HIVEP3: variants seen among roughly 807,000 people sequenced by gnomAD.
The protein encoded by HIVEP3 is HIVEP zinc finger 3, also known as transcription factor HIVEP3.
HIVEP3 carries 49 observed loss-of-function variants against 152.8 expected under a neutral mutation model. The ratio of observed to expected loss-of-function variants is 0.32; its 90% CI spans 0.26 to 0.41. The LOEUF (loss-of-function observed/expected upper bound fraction) is 0.41, where lower values mean the gene tolerates loss of function less well. Among genes scored for constraint, HIVEP3 ranks in the 10% least tolerant of loss-of-function variants. The probability of loss-of-function intolerance (pLI) is 1.00; values close to 1 mark genes in which losing one functional copy is unlikely to be tolerated. For missense variants in HIVEP3, 2,790 were observed against 3,103.3 expected, an observed-to-expected ratio of 0.90 and a Z score of 2.40; for synonymous variants, 1,269 against 1,289.0, an observed-to-expected ratio of 0.98 and a Z score of 0.33.
chr1:41,648,131 AATAT>A (rs1382068131), intron 2 of HIVEP3, among the ~76,000 whole-genome samples: 1 of 152,206 alleles, frequency 6.6e-6, no homozygotes, highest in African/African-American at 2.4e-5. Context: ...CATTTGCTGA[AATAT>A]ATAGACCAAC....
At chr1:41,678,335 G>A (rs1645988582) in intron 2 of HIVEP3, among the ~76,000 whole-genome samples, 1 of 152,130 alleles carries the variant, frequency 6.6e-6, no homozygotes. Flanking sequence ...AGACCCACAG[G>A]GCCTCCCCAC....
At chr1:41,776,185 A>G (rs1648695522) in intron 1 of HIVEP3, among the ~76,000 whole-genome samples, 1 of 152,260 alleles carries the variant, frequency 6.6e-6, no homozygotes, top group South Asian at 2.1e-4. Context: ...TCCATAAAAG[A>G]AAATCTTGTG....
At chr1:41,753,528 T>C (rs1300421280) in intron 1 of HIVEP3, among the ~76,000 whole-genome samples, 3 of 151,504 alleles carry the variant, frequency 2.0e-5, no homozygotes, top group Non-Finnish European at 1.5e-5. Context: ...ATTATCCGGG[T>C]GTGGTGGCAT....
At chr1:41,591,870 A>G (rs1368570828) in intron 3 of HIVEP3, among the ~76,000 whole-genome samples, 1 of 152,090 alleles carries the variant, frequency 6.6e-6, no homozygotes, top group Non-Finnish European at 1.5e-5. Flanking sequence ...TGACTCCCAG[A>G]GAAGAGGCAT....
chr1:41,989,421 G>A (rs1424995682), intron 1 of HIVEP3, among the ~76,000 whole-genome samples: 1 of 152,068 alleles, frequency 6.6e-6, no homozygotes, highest in Non-Finnish European at 1.5e-5. Flanking sequence ...AATCTATATG[G>A]TAAAAAATGT....
chr1:41,528,958 C>A (rs564910752), intron 5 of HIVEP3, among the ~76,000 whole-genome samples: 1 of 141,954 alleles, frequency 7.0e-6, no homozygotes, highest in African/African-American at 2.6e-5. Context: ...TGCTCACATT[C>A]CACACCCCCA....
rs778140478 is a variant in HIVEP3, at chr1:41,511,080, C to A, written c.6592G>T (p.Gly2198Cys). Residue 2198 changes from glycine (G) to cysteine (C), a missense_variant, in exon 9 of 9, where the codon GGT becomes TGT. By Grantham distance (159) the Gly-to-Cys change is radical. Around this residue, in one of 9 missense-constraint regions of HIVEP3, gnomAD observed 816 missense variants for 806.5 expected, o/e 1.01. Transcript: ENST00000372583. This position sits in a 1 kb window ranked among gnomAD's most constrained non-coding sequence, Gnocchi z 4.9. ...TRAPCPLIPI[G>C]GIQMVQARPG... ...CGGGCCTGCACCATCTGGATCCCAC[C>A]GATGGGAATCAAGGGACATGGGGCA... The A allele has an allele frequency of 6.2e-7, 1 of 1,614,076 alleles. No individual in the cohort carries two copies. The highest frequency in any genetic ancestry group is 8.5e-7 in the Non-Finnish European group (1 of 1,180,014).
chr1:41,709,324 G>A (rs778466108), intron 1 of HIVEP3, among the ~76,000 whole-genome samples: 1 of 152,218 alleles, frequency 6.6e-6, no homozygotes, highest in Non-Finnish European at 1.5e-5. Context: ...TAACAGCCAA[G>A]CGAGCTTTAA....
intron 1 of HIVEP3, among the ~76,000 whole-genome samples, chr1:41,768,627 GGT>G (rs1449799272): frequency 6.6e-6 from 1 of 152,140 alleles, no homozygotes; most frequent in Non-Finnish European, 1.5e-5. Flanking sequence ...CCCTTGTTGG[GGT>G]GTGAAACCCC....
At chr1:41,981,745 T>C (rs1203697674) in intron 1 of HIVEP3, among the ~76,000 whole-genome samples, 1 of 152,238 alleles carries the variant, frequency 6.6e-6, no homozygotes, top group Non-Finnish European at 1.5e-5. Flanking sequence ...TTTCGCTGGA[T>C]TCATCATTCT....
chr1:41,994,577 G>A (rs1361079594), intron 1 of HIVEP3, among the ~76,000 whole-genome samples: 1 of 152,082 alleles, frequency 6.6e-6, no homozygotes, highest in Non-Finnish European at 1.5e-5. Flanking sequence ...TATCTCTCTT[G>A]CTGCCATGTG....
At position 41,737,389 on chromosome 1, in the gene HIVEP3, G is replaced by A. The variant is rs147134969; in HGVS notation, c.-800-36394C>T. On this transcript the variant is annotated intron_variant, in intron 1 of 8. Transcript: ENST00000372583. ...TCCCATTTTTTTGTGTCTGGCTGTG[G>A]TCAACCGTCATATCTGAGATGAGAC... is the stretch of plus-strand genomic sequence containing the variant. 2.2e-3 allele frequency among the ~76,000 whole-genome samples: 334 copies of A among 152,226 alleles called. 1 individual carries two copies. The highest frequency in any genetic ancestry group is 6.8e-3 in the Middle Eastern group (2 of 294).
At chr1:41,906,342 T>C (rs368008756) in intron 1 of HIVEP3, among the ~76,000 whole-genome samples, 146 of 150,936 alleles carry the variant, frequency 9.7e-4, no homozygotes, top group African/African-American at 3.3e-3. Context: ...ATCCAGACAA[T>C]GGAATACCAT....
At chr1:41,738,874 C>G (rs1224178566) in intron 1 of HIVEP3, among the ~76,000 whole-genome samples, 4 of 152,240 alleles carry the variant, frequency 2.6e-5, no homozygotes, top group African/African-American at 9.6e-5. Flanking sequence ...GAGAAAACTC[C>G]CACATCAGCA....
intron 1 of HIVEP3, among the ~76,000 whole-genome samples, chr1:41,945,175 C>A (rs1645068187): frequency 6.6e-6 from 1 of 152,122 alleles, no homozygotes; most frequent in Non-Finnish European, 1.5e-5. Context: ...TACCTCCCTA[C>A]CTCAGCATCC....
intron 1 of HIVEP3, among the ~76,000 whole-genome samples, chr1:41,944,053 A>T (rs1355559783): frequency 1.3e-5 from 2 of 152,236 alleles, no homozygotes; most frequent in Admixed American, 6.5e-5. Flanking sequence ...CACTTATATG[A>T]GGTACTTAGA....
chr1:41,770,251 A>G (rs1648267792), intron 1 of HIVEP3, among the ~76,000 whole-genome samples: 1 of 152,100 alleles, frequency 6.6e-6, no homozygotes, highest in South Asian at 2.1e-4. Flanking sequence ...GGGATTACAG[A>G]TGAATGCTAA....
intron 1 of HIVEP3, among the ~76,000 whole-genome samples, chr1:41,908,763 A>C (rs1644753031): frequency 6.6e-6 from 1 of 152,214 alleles, no homozygotes; most frequent in Admixed American, 6.5e-5. Context: ...GTGAGCAAAA[A>C]CTAAGCAAAA....
intron 5 of HIVEP3, among the ~76,000 whole-genome samples, chr1:41,544,847 C>T (rs1473607133): frequency 4.8e-4 from 13 of 26,888 alleles, no homozygotes; most frequent in South Asian, 1.2e-3. Context: ...CCACCACTAC[C>T]ACCACCACCA....
Sources: gnomAD v4.1 joint callset for allele counts (sites outside exome capture counted in the v4.1 genomes callset) on GRCh38, gnomAD v4.1.1 for gene constraint, gnomAD v4.1.1 regional missense constraint, Gnocchi (gnomAD v3.1) non-coding constraint, MANE v1.5 for transcripts, NCBI Gene and HGNC (gene_info 2026-07-23, HGNC 2026-07-21) for gene names.